PKHD1: variants seen among roughly 807,000 people sequenced by gnomAD.
The protein encoded by PKHD1 is PKHD1 ciliary IPT domain containing fibrocystin/polyductin.
PKHD1 carries 291 observed loss-of-function variants against 412.0 expected under a neutral mutation model. The observed-to-expected ratio is 0.71, with a 90% confidence interval of 0.64 to 0.78. The LOEUF is 0.78. Among genes scored for constraint, PKHD1 ranks in the 30% least tolerant of loss-of-function variants. The pLI is 0.00. For missense variants in PKHD1, 4,825 were observed against 4,950.7 expected (o/e 0.97, Z 0.76); for synonymous variants, 1,777 against 1,821.5 (o/e 0.98, Z 0.62).
At chr6:51,864,821 G>A (rs1001453712) in intron 48 of PKHD1, among the ~76,000 whole-genome samples, 1 of 151,860 alleles carries the variant, frequency 6.6e-6, no homozygotes, top group African/African-American at 2.4e-5. Context: ...TATCTATATG[G>A]TGGGTAATTC....
intron 46 of PKHD1, among the ~76,000 whole-genome samples, chr6:51,882,418 G>C (rs938061281): frequency 2.0e-5 from 3 of 152,080 alleles, no homozygotes; most frequent in Non-Finnish European, 4.4e-5. Flanking sequence ...ATCTTCAATG[G>C]AAGTATAAGA....
At chr6:51,627,758 C>T (rs563598612) in intron 65 of PKHD1, among the ~76,000 whole-genome samples, 5 of 152,188 alleles carry the variant, frequency 3.3e-5, no homozygotes, top group South Asian at 2.1e-4. Flanking sequence ...AGCCACCATA[C>T]GCAAGATGAG....
chr6:52,019,940 T>TC (rs1051319467), intron 33 of PKHD1, among the ~76,000 whole-genome samples: 2 of 152,020 alleles, frequency 1.3e-5, no homozygotes, highest in Non-Finnish European at 2.9e-5. Context: ...CTGCTTTAAC[T>TC]CCCCCTGCCC....
chr6:51,866,728 A>G (rs1000908210), intron 48 of PKHD1, among the ~76,000 whole-genome samples: 17 of 152,310 alleles, frequency 1.1e-4, no homozygotes, highest in African/African-American at 3.6e-4. Flanking sequence ...ACTAATTTTT[A>G]TAACTCTCAA....
chr6:51,710,471 C>T (rs1780526660), intron 60 of PKHD1, among the ~76,000 whole-genome samples: 2 of 151,794 alleles, frequency 1.3e-5, no homozygotes, highest in African/African-American at 2.4e-5. Context: ...GGAATCTTCA[C>T]GTCTCAGATT....
At chr6:51,676,227 GA>G (rs774818992) in intron 60 of PKHD1, among the ~76,000 whole-genome samples, 112 of 58,198 alleles carry the variant, frequency 1.9e-3, no homozygotes, top group South Asian at 7.1e-3. Context: ...GTCTTTGCTA[GA>G]AAAAAAAAAA....
intron 35 of PKHD1, among the ~76,000 whole-genome samples, chr6:51,986,235 C>G (rs1269935730): frequency 6.6e-6 from 1 of 152,182 alleles, no homozygotes; most frequent in Non-Finnish European, 1.5e-5. Context: ...TTCACAATCT[C>G]AGTCATGAAT....
In PKHD1 at chr6:51,739,990, A is replaced by G. The variant is rs770407013; in HGVS notation, c.10156+4395T>C. 1.7e-5 allele frequency: 9 copies of G among 519,010 alleles called. 1 individual carries two copies. The highest frequency in any genetic ancestry group is 1.1e-4 in the South Asian group (8 of 71,584). 32.2% of individuals were successfully genotyped at this position (519,010 alleles called of 1,614,324 possible). A position where few individuals can be genotyped will look rare whatever the true frequency, so the allele number is the denominator to read the frequency against. ...TTGGTATCTGCCTAATTCTACCTGA[A>G]TGGGACATTAATTTCAATGCTTTGT... On this transcript the variant is annotated intron_variant, in intron 60 of 66. Coordinates refer to ENST00000371117, the MANE Select transcript of PKHD1 (RefSeq NM_138694.4).
At chr6:51,744,356 C>T in intron 60 of PKHD1, 29 bp downstream of exon 60, 1 of 1,599,754 alleles carries the variant, frequency 6.3e-7, no homozygotes, top group African/African-American at 1.3e-5. Context: ...TTGCCTCTAC[C>T]ACAGGCATTG....
chr6:51,724,366 A>C (rs748950979), intron 60 of PKHD1, among the ~76,000 whole-genome samples: 18 of 152,066 alleles, frequency 1.2e-4, no homozygotes, highest in Non-Finnish European at 1.2e-4. Flanking sequence ...ATAGCCCCTC[A>C]TACCACTCTT....
intron 34 of PKHD1, among the ~76,000 whole-genome samples, chr6:52,014,346 A>T (rs1317123817): frequency 6.6e-6 from 1 of 152,220 alleles, no homozygotes; most frequent in Non-Finnish European, 1.5e-5. Flanking sequence ...TATAGCACTT[A>T]TCACAACACG....
intron 60 of PKHD1, among the ~76,000 whole-genome samples, chr6:51,706,575 G>T (rs1359662665): frequency 3.3e-5 from 5 of 151,858 alleles, no homozygotes; most frequent in Admixed American, 2.6e-4. Flanking sequence ...TGGAAGAGGG[G>T]TCAGTAAATG....
Position 52,065,022 on chromosome 6 carries a change from A to T in PKHD1, c.909T>A (p.Ser303=). The part of the protein sequence containing the change: ...AGIPCDIRHV[S]PRKIECTTRA... The stretch of plus-strand genomic sequence containing the variant: ...GAGTGGTGCACTCAATCTTCCTGGG[A>T]GACACGTGTCTAATATCACATGGAA... Residue 303 remains serine (S), a synonymous_variant, in exon 13 of 67, where the codon TCT becomes TCA. Coordinates refer to ENST00000371117, the MANE Select transcript of PKHD1 (RefSeq NM_138694.4). The T allele has an allele frequency of 6.3e-7, 1 of 1,597,730 alleles. No homozygotes were observed. Among genetic ancestry groups the T allele is most frequent in the Non-Finnish European group, 8.5e-7 (1 of 1,172,646 alleles).
chr6:51,925,022 GT>G (rs1223117614), intron 37 of PKHD1, among the ~76,000 whole-genome samples: 2 of 152,180 alleles, frequency 1.3e-5, no homozygotes, highest in Non-Finnish European at 2.9e-5. Flanking sequence ...ACACTGGGGA[GT>G]TTTTTAAGGT....
chr6:51,793,009 T>C (rs768873443), intron 52 of PKHD1, among the ~76,000 whole-genome samples: 18 of 152,330 alleles, frequency 1.2e-4, no homozygotes, highest in Middle Eastern at 3.4e-3. Flanking sequence ...GAAGAGATCA[T>C]TCTTTTTCTT....
intron 35 of PKHD1, among the ~76,000 whole-genome samples, chr6:51,972,144 A>G (rs1793764284): frequency 6.6e-6 from 1 of 152,188 alleles, no homozygotes. Flanking sequence ...TTCCTGAGAA[A>G]AGAGGATTTT....
At chr6:51,865,990 A>T (rs1775005419) in intron 48 of PKHD1, among the ~76,000 whole-genome samples, 1 of 151,246 alleles carries the variant, frequency 6.6e-6, no homozygotes, top group Non-Finnish European at 1.5e-5. Flanking sequence ...GGGCATTGTA[A>T]TTCAGGACAT....
intron 52 of PKHD1, among the ~76,000 whole-genome samples, chr6:51,816,992 G>A (rs1021727292): frequency 2.0e-5 from 3 of 152,216 alleles, no homozygotes; most frequent in African/African-American, 7.2e-5. Context: ...CCTCTTTGTA[G>A]TACATGAAAA....
chr6:51,741,167 A>G (rs1158631940), intron 60 of PKHD1: 2 of 518,976 alleles, frequency 3.9e-6, no homozygotes, highest in Admixed American at 1.9e-5. Flanking sequence ...CCTAAATAGC[A>G]TATTACACCA....
Sources: gnomAD v4.1 joint callset for allele counts (sites outside exome capture counted in the v4.1 genomes callset) on GRCh38, gnomAD v4.1.1 for gene constraint, MANE v1.5 for transcripts, NCBI Gene and HGNC (gene_info 2026-07-23, HGNC 2026-07-21) for gene names.